Variants in INPP5J observed in about 807,000 individuals in gnomAD.
INPP5J encodes the protein inositol polyphosphate-5-phosphatase J.
A neutral mutation model predicts 86.6 loss-of-function variants in INPP5J; 75 were observed. That is an observed-to-expected ratio of 0.87 (90% CI 0.72 to 1.05). The LOEUF (loss-of-function observed/expected upper bound fraction) is 1.05, where lower values mean the gene tolerates loss of function less well. INPP5J is among the 50% of genes least tolerant of loss of function. INPP5J has a pLI of 0.00. For synonymous variants in INPP5J, 540 were observed against 550.0 expected (o/e 0.98, Z 0.25); for missense variants, 1,229 against 1,341.2 (o/e 0.92, Z 1.31).
chr22:31,122,871 C>A, upstream of INPP5J: 1 of 555,634 alleles, frequency 1.8e-6, no homozygotes, highest in Non-Finnish European at 3.0e-6. Context: ...AGCCACCTTG[C>A]TTCGGCCTCT....
In INPP5J at chr22:31,123,058, G is replaced by A. The variant is rs377197725; in HGVS notation, c.44G>A (p.Arg15Gln). ...AGGGGCAGCAGGAGGCCAGGGACCC[G>A]GGCTGGCCTGGGTTCCCTGCCCATG... is the stretch of plus-strand genomic sequence containing the variant. Reference protein sequence around the residue: ...SSRGSRRPGTRAGLGSLPMPQ... With the variant: ...SSRGSRRPGTQAGLGSLPMPQ... Residue 15 changes from arginine to glutamine, a missense_variant, in exon 1 of 13, where the codon CGG (arginine) becomes CAG (glutamine). Arg to Gln is a conservative substitution (Grantham distance 43). Coordinates refer to ENST00000331075, the MANE Select transcript of INPP5J (RefSeq NM_001284285.2). 22 of 1,480,892 alleles carry A rather than the reference G, an allele frequency of 1.5e-5. No individual in the cohort carries two copies. The highest frequency in any genetic ancestry group is 5.8e-5 in the East Asian group (2 of 34,470). The allele number at this position is 1,480,892 out of a possible 1,614,324, so 91.7% of individuals were successfully genotyped here.
At chr22:31,127,765 G>A (rs970053657) in intron 6 of INPP5J, 186 bp from the exon 7 acceptor site, 6 of 642,274 alleles carry the variant, frequency 9.3e-6, no homozygotes, top group Middle Eastern at 8.5e-4. Context: ...CTAATTTCCT[G>A]TAGACCGGTC....
chr22:31,125,766 A>C lies in INPP5J; in HGVS notation c.1027A>C (p.Lys343Gln). 6.4e-7 allele frequency: 1 copy of C among 1,552,126 alleles called. No homozygotes were observed. The highest frequency in any genetic ancestry group is 1.2e-5 in the South Asian group (1 of 84,186). ...SGQTVPPPLP[K>Q]PPRSPSRSPS... ...CCAGACTGTGCCCCCACCTCTGCCCAAGCCACCCCGATCACCCAGCCGTTC... is the reference window on the plus strand; with the variant it reads ...CCAGACTGTGCCCCCACCTCTGCCCCAGCCACCCCGATCACCCAGCCGTTC... The change falls in exon 2 of 13, where the codon AAG (lysine) becomes CAG (glutamine). Residue 343 changes from lysine to glutamine, a missense_variant. Physicochemically the swap from Lys to Gln is moderately conservative, Grantham distance 53. Transcript: ENST00000331075.
Position 31,134,525 on chromosome 22 carries a change from T to C in INPP5J, c.*106T>C. 1.6e-6 allele frequency: 2 copies of C among 1,230,364 alleles called. No homozygotes were observed. Among genetic ancestry groups the C allele is most frequent in the Non-Finnish European group, 2.2e-6 (2 of 926,116 alleles). 76.2% of individuals were successfully genotyped at this position (1,230,364 alleles called of 1,614,324 possible). On this transcript the variant is annotated 3_prime_UTR_variant, in exon 13 of 13. Transcript: ENST00000331075. ...TCCTCCAGCTGTATCTGCACCTGCC[T>C]CTCTGTCCTGGCCAGGGGTGGACAA...
chr22:31,126,924 A>G lies in INPP5J; in HGVS notation c.1498A>G (p.Ser500Gly), dbSNP rs774952798. 5.5e-5 allele frequency: 89 copies of G among 1,606,518 alleles called. No individual in the cohort carries two copies. In the East Asian group the frequency reaches 1.6e-3, roughly 29 times the overall value. ...GCCACGTGGCCTCCCGCTGCAGGTG[A>G]GTTCGGTGAGGATGCAGGGTGTCAT... ...ALGPFNFVLVSSVRMQGVILL... is the reference protein window; with the variant it reads ...ALGPFNFVLVGSVRMQGVILL... The change falls in exon 5 of 13, where the codon AGT becomes GGT. Residue 500 changes from serine to glycine, a missense_variant. Coordinates refer to ENST00000331075, the MANE Select transcript of INPP5J (RefSeq NM_001284285.2).
chr22:31,132,104 G>A (rs571749682), intron 9 of INPP5J, among the ~76,000 whole-genome samples: 1 of 152,326 alleles, frequency 6.6e-6, no homozygotes, highest in African/African-American at 2.4e-5. Context: ...TTCATGGACT[G>A]ATGACAAGGT....
At chr22:31,123,219 G>A (rs375655489) in intron 1 of INPP5J, 100 bp downstream of exon 1, 1 of 728,336 alleles carries the variant, frequency 1.4e-6, no homozygotes, top group Non-Finnish European at 2.1e-6. Context: ...CTGACTGAGG[G>A]GCTGGTACTT....
In INPP5J at chr22:31,125,534, C is replaced by G; in HGVS notation, c.795C>G (p.Ser265=). 1 of 1,550,526 alleles carries G rather than the reference C, an allele frequency of 6.4e-7. No individual in the cohort carries two copies. Among genetic ancestry groups the G allele is most frequent in the East Asian group, 2.4e-5 (1 of 40,890 alleles). Residue 265 remains serine, a synonymous_variant, in exon 2 of 13, where the codon TCC becomes TCG. Coordinates refer to ENST00000331075, the MANE Select transcript of INPP5J (RefSeq NM_001284285.2). Reference sequence around the variant, plus strand: ...CTCAGACATCTGGTCCTACAGGCTCCCCACCCTGCATCCAAACCTCCCCAG... The same window carrying G: ...CTCAGACATCTGGTCCTACAGGCTCGCCACCCTGCATCCAAACCTCCCCAG... ...PPAQTSGPTG[S]PPCIQTSPDP...
At chr22:31,126,193 C>T in intron 2 of INPP5J, 183 bp downstream of exon 2, 1 of 792,876 alleles carries the variant, frequency 1.3e-6, no homozygotes, top group Non-Finnish European at 2.0e-6. Flanking sequence ...AACTTGCCGC[C>T]TCTCAGTTGA....
At position 31,128,755 on chromosome 22, in the gene INPP5J, C is replaced by T. The variant is rs553564577; in HGVS notation, c.2193+101C>T. 1.2e-4 allele frequency: 121 copies of T among 995,320 alleles called. 2 individuals carry two copies. The South Asian group carries it at 1.7e-3, about 14-fold the overall frequency. The allele number at this position is 995,320 out of a possible 1,614,324, so 61.7% of individuals were successfully genotyped here. ...CTTTGTATAACCCCTTGTACCTGCC[C>T]TCAGCAGCATCCATTTGTTGTAACA... is the stretch of plus-strand genomic sequence containing the variant. On this transcript the variant is annotated intron_variant, in intron 9 of 12. Transcript: ENST00000331075.
At chr22:31,124,711 T>G in intron 1 of INPP5J, 134 bp from the exon 2 acceptor site, 114 of 744,848 alleles carry the variant, frequency 1.5e-4, no homozygotes, top group Non-Finnish European at 2.2e-4. Flanking sequence ...TAGATTGAAG[T>G]GAGATAGTAG....
chr22:31,128,539 C>T lies in INPP5J; in HGVS notation c.2078C>T (p.Pro693Leu), dbSNP rs1921735925. 1 of 1,613,330 alleles carries T rather than the reference C, an allele frequency of 6.2e-7. No individual in the cohort carries two copies. Among genetic ancestry groups the T allele is most frequent in the Admixed American group, 1.7e-5 (1 of 60,004 alleles). ...AAGGTCAAGGCTCCAGGTGGGGGTC[C>T]CAGCCCCTCAGGACGGAAGAGCCAC... is the stretch of plus-strand genomic sequence containing the variant. ...LWKVKAPGGG[P>L]SPSGRKSHRL... Residue 693 changes from proline to leucine, a missense_variant, in exon 9 of 13, where the codon CCC (proline) becomes CTC (leucine). Pro to Leu is a moderately conservative substitution (Grantham distance 98). Coordinates refer to ENST00000331075, the MANE Select transcript of INPP5J (RefSeq NM_001284285.2).
At position 31,127,551 on chromosome 22, in the gene INPP5J, C is replaced by A; in HGVS notation, c.1787+19C>A. 1 of 1,602,714 alleles carries A rather than the reference C, an allele frequency of 6.2e-7. No individual in the cohort carries two copies. Reference sequence around the variant, plus strand: ...ATCATGAGTATGGGCTGGGGTGGGGCCAAATAGAGCTTGGGTGGGGCTAGT... The same window carrying A: ...ATCATGAGTATGGGCTGGGGTGGGGACAAATAGAGCTTGGGTGGGGCTAGT... On this transcript the variant is annotated intron_variant, in intron 6 of 12. Transcript: ENST00000331075.
chr22:31,132,130 C>T (rs554521750), intron 9 of INPP5J, among the ~76,000 whole-genome samples: 45 of 152,296 alleles, frequency 3.0e-4, no homozygotes, highest in Middle Eastern at 3.4e-3. Context: ...TTAGTAACCG[C>T]TTAGTACTTA....
chr22:31,124,859 T>G lies in INPP5J; in HGVS notation c.120T>G (p.Phe40Leu). The stretch of plus-strand genomic sequence containing the variant: ...TCCTCCACAAGGTGGACTCAAGTTT[T>G]CAGCTCCCAGCAAAGAAGAACGCAG... ...TGAPSKVDSS[F>L]QLPAKKNAAL... Residue 40 changes from phenylalanine to leucine, a missense_variant, in exon 2 of 13, where the codon TTT (phenylalanine) becomes TTG (leucine). By Grantham distance (22) the Phe-to-Leu change is conservative. Coordinates refer to ENST00000331075, the MANE Select transcript of INPP5J (RefSeq NM_001284285.2). The G allele has an allele frequency of 6.2e-7, 1 of 1,610,732 alleles. No homozygotes were observed. The highest frequency in any genetic ancestry group is 8.5e-7 in the Non-Finnish European group (1 of 1,177,370).
rs779254212 is a variant in INPP5J at position 31,126,448 on chromosome 22, C to T, written c.1344C>T (p.Gly448=). The T allele has an allele frequency of 1.2e-5, 20 of 1,613,632 alleles. No homozygotes were observed. The highest frequency in any genetic ancestry group is 5.3e-5 in the African/African-American group (4 of 74,896). ...PDDVTSLLHL[G]GGDDSDGADM... ...ATGTCACATCCCTCCTCCACCTGGG[C>T]GGTGGTGACGACAGCGACGGCGCAG... The change falls in exon 3 of 13, where the codon GGC becomes GGT. Residue 448 remains glycine, a synonymous_variant. Transcript: ENST00000331075.
chr22:31,126,120 C>T (rs910350957), intron 2 of INPP5J, 110 bp downstream of exon 2: 68 of 1,148,644 alleles, frequency 5.9e-5, no homozygotes, highest in Non-Finnish European at 7.7e-5. Flanking sequence ...GAGGAAGAGT[C>T]TTTGGGGAGG....
rs1352757634 is a variant in INPP5J, at chr22:31,128,275, T to C, written c.1961T>C (p.Phe654Ser). ...GGCTTTCAGGAGGGGCCCCTCAACT[T>C]CGCTCCCACCTTCAAGTTTGATGTG... ...LKGFQEGPLN[F>S]APTFKFDVGT... The change falls in exon 8 of 13, where the codon TTC becomes TCC. Residue 654 changes from phenylalanine to serine, a missense_variant. Physicochemically the swap from Phe to Ser is radical, Grantham distance 155 (BLOSUM62 -2). Coordinates refer to ENST00000331075, the MANE Select transcript of INPP5J (RefSeq NM_001284285.2). 2 of 1,600,976 alleles carry C rather than the reference T, an allele frequency of 1.2e-6. No homozygotes were observed. Among genetic ancestry groups the C allele is most frequent in the Non-Finnish European group, 1.7e-6 (2 of 1,173,862 alleles).
chr22:31,132,098 T>G (rs377655883), intron 9 of INPP5J, among the ~76,000 whole-genome samples: 1 of 152,176 alleles, frequency 6.6e-6, no homozygotes, highest in African/African-American at 2.4e-5. Flanking sequence ...CTTTCCTTCA[T>G]GGACTGATGA....
Sources: allele counts gnomAD v4.1 joint callset (sites outside exome capture counted in the v4.1 genomes callset), GRCh38; gene constraint gnomAD v4.1.1; transcripts MANE v1.5; gene names NCBI Gene and HGNC (gene_info 2026-07-23, HGNC 2026-07-21).